Variants in EML6 observed in about 807,000 individuals in gnomAD.
EML6 encodes echinoderm microtubule-associated protein-like 6.
EML6 carries 154 observed loss-of-function variants against 240.1 expected under a neutral mutation model. The observed-to-expected ratio is 0.64, with a 90% CI of 0.56 to 0.73. The LOEUF is 0.73. EML6 is among the 30% of genes least tolerant of loss of function. EML6 has a pLI of 0.00. For synonymous variants in EML6, 1,148 were observed against 899.0 expected, an observed-to-expected ratio of 1.28 and a Z score of -4.95; for missense variants, 2,964 against 2,474.6, an observed-to-expected ratio of 1.20 and a Z score of -4.20.
chr2:54,798,361 G>C (rs543435704), intron 2 of EML6, among the ~76,000 whole-genome samples: 232 of 152,182 alleles, frequency 1.5e-3, no homozygotes, highest in Middle Eastern at 0.014. Context: ...CTTTAGTAGA[G>C]ATGGGGTTTC....
chr2:54,876,983 AAATTT>A (rs1374416486), intron 16 of EML6, among the ~76,000 whole-genome samples: 1 of 143,628 alleles, frequency 7.0e-6, no homozygotes, highest in East Asian at 2.0e-4. Flanking sequence ...ATCCAAAAAA[AAATTT>A]TTTTTTTTTT....
chr2:54,907,146 A>G (rs572806538), intron 24 of EML6, among the ~76,000 whole-genome samples: 7 of 152,316 alleles, frequency 4.6e-5, no homozygotes, highest in African/African-American at 1.7e-4. Flanking sequence ...GAGAGAAAAC[A>G]TAGAAAGGGT....
chr2:54,888,348 G>T (rs546249368), intron 17 of EML6, among the ~76,000 whole-genome samples: 1 of 152,200 alleles, frequency 6.6e-6, no homozygotes, highest in African/African-American at 2.4e-5. Context: ...ATCTGGGCAT[G>T]ATCAGGTGAT....
At chr2:54,931,695 T>G (rs896557903) in intron 28 of EML6, among the ~76,000 whole-genome samples, 16 of 152,154 alleles carry the variant, frequency 1.1e-4, no homozygotes, top group African/African-American at 3.9e-4. Context: ...GTTCAAGACA[T>G]GCACCAATGA....
chr2:54,947,515 A>C lies in EML6; in HGVS notation c.4005-1367A>C, dbSNP rs150049452. Reference sequence around the variant, plus strand: ...CCCTGCACACAAAAAGAACCCCCGCAAGCCATTCGAGCAGGCAGGCTGACC... The same window carrying C: ...CCCTGCACACAAAAAGAACCCCCGCCAGCCATTCGAGCAGGCAGGCTGACC... On this transcript the variant is annotated intron_variant, in intron 28 of 41. Coordinates refer to ENST00000356458, the MANE Select transcript of EML6 (RefSeq NM_001039753.4). Among the ~76,000 whole-genome samples the C allele has an allele frequency of 1.4e-3, 214 of 152,208 alleles. 1 individual carries two copies. The highest frequency in any genetic ancestry group is 4.8e-3 in the African/African-American group (201 of 41,546).
At chr2:54,750,896 C>G (rs545888397) in intron 2 of EML6, among the ~76,000 whole-genome samples, 1 of 152,098 alleles carries the variant, frequency 6.6e-6, no homozygotes, top group African/African-American at 2.4e-5. Flanking sequence ...GGCAGTCCTC[C>G]CCGAGCCACA....
chr2:54,866,703 A>C (rs1027830227), intron 13 of EML6, 63 bp from the exon 14 acceptor site: 1 of 831,896 alleles, frequency 1.2e-6, no homozygotes, highest in Non-Finnish European at 1.9e-6. Flanking sequence ...GAATGTCAAG[A>C]TGCTGATATT....
intron 28 of EML6, among the ~76,000 whole-genome samples, chr2:54,946,911 T>C (rs554388905): frequency 1.3e-5 from 2 of 152,242 alleles, no homozygotes; most frequent in African/African-American, 4.8e-5. Context: ...TCGGTTTTTT[T>C]CTGAAAATCA....
chr2:54,796,436 C>T (rs1316822683), intron 2 of EML6, among the ~76,000 whole-genome samples: 1 of 151,956 alleles, frequency 6.6e-6, no homozygotes, highest in Non-Finnish European at 1.5e-5. Flanking sequence ...TTTATATAAC[C>T]TGTGCATTTT....
chr2:54,826,895 G>T (rs986966962), intron 5 of EML6, among the ~76,000 whole-genome samples: 1 of 152,030 alleles, frequency 6.6e-6, no homozygotes, highest in Non-Finnish European at 1.5e-5. Context: ...AGATATAGCC[G>T]AGTGCAGTGG....
intron 24 of EML6, among the ~76,000 whole-genome samples, chr2:54,909,644 A>G (rs1012246820): frequency 6.6e-6 from 1 of 152,100 alleles, no homozygotes; most frequent in African/African-American, 2.4e-5. Flanking sequence ...TCAGGAGTTC[A>G]AGACCACCCT....
At chr2:54,900,296 A>G (rs1485400104) in intron 22 of EML6, among the ~76,000 whole-genome samples, 2 of 152,184 alleles carry the variant, frequency 1.3e-5, no homozygotes, top group African/African-American at 4.8e-5. Flanking sequence ...GGCACAGGGG[A>G]TCCCATGATG....
At chr2:54,904,791 G>A (rs1430447280) in intron 24 of EML6, among the ~76,000 whole-genome samples, 1 of 152,134 alleles carries the variant, frequency 6.6e-6, no homozygotes, top group Non-Finnish European at 1.5e-5. Flanking sequence ...GCCTGGAGTT[G>A]GAGCAATCAA....
Position 54,871,638 on chromosome 2 carries a change from C to A in EML6, c.2344+33C>A, listed in dbSNP as rs984926330. 2.0e-5 allele frequency: 28 copies of A among 1,434,796 alleles called. No homozygotes were observed. In the African/African-American group the frequency reaches 4.0e-4, roughly 20 times the overall value. The allele number at this position is 1,434,796 out of a possible 1,614,324, so 88.9% of individuals were successfully genotyped here. A position where few individuals can be genotyped will look rare whatever the true frequency, so the allele number is the denominator to read the frequency against. ...CCAGAGTGATTGACACATGGTTCTA[C>A]GTTGAGAGAGAGAGAGACACAGAGA... On this transcript the variant is annotated intron_variant, in intron 16 of 41. Transcript: ENST00000356458.
intron 2 of EML6, among the ~76,000 whole-genome samples, chr2:54,801,540 GC>G (rs1412411608): frequency 9.2e-5 from 14 of 152,302 alleles, no homozygotes; most frequent in African/African-American, 3.1e-4. Context: ...TCTGAGGAGG[GC>G]GTGCTTGTCT....
Position 54,971,458 on chromosome 2 carries a change from G to A in EML6, c.*1363G>A, listed in dbSNP as rs967124177. On this transcript the variant is annotated 3_prime_UTR_variant, in exon 42 of 42. Transcript: ENST00000356458. The stretch of plus-strand genomic sequence containing the variant: ...AGTGAACGAAAATTCTAGACCTACA[G>A]TTACTGGCTACTTGCATTTGTCAGT... 6.6e-6 allele frequency: 1 copy of A among 152,194 alleles called. No individual in the cohort carries two copies. The highest frequency in any genetic ancestry group is 6.5e-5 in the Admixed American group (1 of 15,280). The allele number at this position is 152,194 out of a possible 1,614,324, so 9.4% of individuals were successfully genotyped here.
In EML6 at chr2:54,910,958, A is replaced by G; in HGVS notation, c.3414A>G (p.Lys1138=). Residue 1138 remains lysine (K), a synonymous_variant, in exon 25 of 42, where the codon AAA becomes AAG. Transcript: ENST00000356458. Reference sequence around the variant, plus strand: ...TACTTCGTTCTGTCGTAACAGGAAAATTATTGCAAGTGAATTCAGGTGCCA... The same window carrying G: ...TACTTCGTTCTGTCGTAACAGGAAAGTTATTGCAAGTGAATTCAGGTGCCA... ...ITHIDWDSRG[K]LLQVNSGARE... 6.5e-7 allele frequency: 1 copy of G among 1,527,780 alleles called. No individual in the cohort carries two copies. The allele number at this position is 1,527,780 out of a possible 1,614,324, so 94.6% of individuals were successfully genotyped here.
intron 25 of EML6, among the ~76,000 whole-genome samples, chr2:54,915,137 G>A (rs925358251): frequency 9.2e-5 from 14 of 152,074 alleles, no homozygotes; most frequent in Non-Finnish European, 1.9e-4. Context: ...TTGCATTGAC[G>A]GATTATAGGT....
At position 54,827,617 on chromosome 2, in the gene EML6, A is replaced by T. The variant is rs1200749338; in HGVS notation, c.577A>T (p.Lys193Ter). 1 of 1,551,628 alleles carries T rather than the reference A, an allele frequency of 6.4e-7. No homozygotes were observed. Among genetic ancestry groups the T allele is most frequent in the Non-Finnish European group, 8.7e-7 (1 of 1,147,004 alleles). The change falls in exon 6 of 42, where the codon AAA becomes TAA. Residue 193 changes from lysine (K) to a stop codon, truncating the protein, a stop_gained. Coordinates refer to ENST00000356458, the MANE Select transcript of EML6 (RefSeq NM_001039753.4). LOFTEE classifies it high-confidence loss of function. The stretch of plus-strand genomic sequence containing the variant: ...GACTGCAAAAAGAGGGATATTTGGC[A>T]AAACAGGGGATCTTCAGACCATCCT... ...ALTAKRGIFG[K>*]TGDLQTILCL... is the part of the protein sequence containing the mutation.
Sources: gnomAD v4.1 joint callset for allele counts (sites outside exome capture counted in the v4.1 genomes callset) on GRCh38, gnomAD v4.1.1 for gene constraint, MANE v1.5 for transcripts, NCBI Gene and HGNC (gene_info 2026-07-23, HGNC 2026-07-21) for gene names.